DNAAF11: variants seen among roughly 807,000 people sequenced by gnomAD.
DNAAF11 encodes the protein dynein axonemal assembly factor 11, also known as leucine rich repeat containing 6.
DNAAF11 carries 45 observed loss-of-function variants against 60.8 expected under a neutral mutation model. The ratio of observed to expected loss-of-function variants is 0.74; its 90% CI spans 0.58 to 0.95. The LOEUF is 0.95. Ranked by LOEUF, DNAAF11 falls within the 40% of genes least tolerant of loss-of-function variation. DNAAF11 has a pLI of 0.00. For synonymous variants in DNAAF11, 191 were observed against 183.5 expected (o/e 1.04, Z -0.33); for missense variants, 546 against 546.2 (o/e 1.00, Z 0.00).
intron 3 of DNAAF11, among the ~76,000 whole-genome samples, chr8:132,646,580 T>C (rs1481840250): frequency 2.6e-5 from 4 of 152,182 alleles, no homozygotes; most frequent in Non-Finnish European, 5.9e-5. Flanking sequence ...GTGTGCTGTA[T>C]TCAGGAGACC....
At chr8:132,696,636 T>C in the DNAAF11 span, among the ~76,000 whole-genome samples, 13 of 152,166 alleles carry the variant, frequency 8.5e-5, no homozygotes, top group Admixed American at 2.0e-4. Flanking sequence ...GAAAACATTA[T>C]GCCACATGAA....
At chr8:132,598,218 GT>G (rs544103271) in intron 10 of DNAAF11, among the ~76,000 whole-genome samples, 2 of 152,212 alleles carry the variant, frequency 1.3e-5, no homozygotes, top group African/African-American at 4.8e-5. Context: ...TTATTAACTG[GT>G]ATAAGGATAA....
chr8:132,646,138 T>C (rs559480523), intron 3 of DNAAF11, among the ~76,000 whole-genome samples: 11 of 152,340 alleles, frequency 7.2e-5, no homozygotes, highest in African/African-American at 2.6e-4. Flanking sequence ...AGCAGATCTC[T>C]CAGTAGAAAC....
At position 132,619,892 on chromosome 8, in the gene DNAAF11, C is replaced by T. The variant is rs141753107; in HGVS notation, c.914+2719G>A. ...GACTGATTTTGGATGGGAAGTTCACCGTCAGCAGCAGGAGAGAGGGGAGTA... is the reference window on the plus strand; with the variant it reads ...GACTGATTTTGGATGGGAAGTTCACTGTCAGCAGCAGGAGAGAGGGGAGTA... On this transcript the variant is annotated intron_variant, in intron 7 of 11. Transcript: ENST00000620350. 3.4e-3 allele frequency among the ~76,000 whole-genome samples: 519 copies of T among 152,146 alleles called. 3 individuals are homozygous for T. Among genetic ancestry groups the T allele is most frequent in the African/African-American group, 0.012 (499 of 41,494 alleles).
At chr8:132,699,959 C>T in the DNAAF11 span, among the ~76,000 whole-genome samples, 1 of 152,108 alleles carries the variant, frequency 6.6e-6, no homozygotes, top group African/African-American at 2.4e-5. Flanking sequence ...AGAGTGACTG[C>T]TTAATGAGCA....
intron 10 of DNAAF11, 36 bp from the exon 11 acceptor site, chr8:132,583,815 T>TCAAGGAG: frequency 1.5e-6 from 2 of 1,371,980 alleles, no homozygotes; most frequent in Non-Finnish European, 2.1e-6. Flanking sequence ...AAGTGGTGCA[T>TCAAGGAG]TACTCCTTGA....
At chr8:132,640,107 T>C (rs1821711496) in intron 3 of DNAAF11, among the ~76,000 whole-genome samples, 1 of 152,190 alleles carries the variant, frequency 6.6e-6, no homozygotes, top group Admixed American at 6.5e-5. Context: ...ATAGACCTTC[T>C]TCAACCCACT....
chr8:132,636,327 G>A (rs1821293204), intron 4 of DNAAF11, among the ~76,000 whole-genome samples: 1 of 152,086 alleles, frequency 6.6e-6, no homozygotes, highest in Admixed American at 6.5e-5. Context: ...GAGAAGCAGT[G>A]AATGTGGGTA....
chr8:132,687,983 T>A, the DNAAF11 span, among the ~76,000 whole-genome samples: 2 of 152,184 alleles, frequency 1.3e-5, no homozygotes, highest in Non-Finnish European at 2.9e-5. Context: ...AATGAAGCAA[T>A]ATAAAAATTT....
At position 132,582,022 on chromosome 8, in the gene DNAAF11, C is replaced by T. The variant is rs74435754; in HGVS notation, c.1226+1672G>A. Among the ~76,000 whole-genome samples the T allele has an allele frequency of 1.0e-2, 1,520 of 152,242 alleles. 31 individuals are homozygous for T. The highest frequency in any genetic ancestry group is 0.034 in the African/African-American group (1,423 of 41,540). On this transcript the variant is annotated intron_variant, in intron 11 of 11. Coordinates refer to ENST00000620350, the MANE Select transcript of DNAAF11 (RefSeq NM_012472.6). ...TTTCTCCTCAGCATGAGAAACAAAC[C>T]ACTCTGCCAAGAGATGGGCAAGGGG...
chr8:132,690,599 A>G, the DNAAF11 span, among the ~76,000 whole-genome samples: 1 of 152,048 alleles, frequency 6.6e-6, no homozygotes, highest in South Asian at 2.1e-4. Flanking sequence ...TATGAAATAA[A>G]CTCCACATTT....
chr8:132,702,562 CACT>C, the DNAAF11 span, among the ~76,000 whole-genome samples: 68,818 of 151,684 alleles, frequency 0.45, 18,813 homozygotes, highest in African/African-American at 0.78. Flanking sequence ...CTACTGTCAC[CACT>C]ACTATTATTA....
the DNAAF11 span, among the ~76,000 whole-genome samples, chr8:132,689,895 T>G: frequency 6.6e-6 from 1 of 152,164 alleles, no homozygotes; most frequent in African/African-American, 2.4e-5. Flanking sequence ...TTTTTCCTTT[T>G]TGTAGAGATG....
At chr8:132,647,334 A>G (rs1822498420) in intron 3 of DNAAF11, among the ~76,000 whole-genome samples, 1 of 152,216 alleles carries the variant, frequency 6.6e-6, no homozygotes, top group Non-Finnish European at 1.5e-5. Context: ...ACAAAGACAC[A>G]ACCTAACAGA....
In DNAAF11 at chr8:132,623,640, TG is replaced by T. The variant is rs1433832401; in HGVS notation, c.837-953del. Among the ~76,000 whole-genome samples the T allele has an allele frequency of 4.6e-5, 7 of 152,294 alleles. No individual in the cohort carries two copies. In the East Asian group the frequency reaches 1.3e-3, roughly 29 times the overall value. ...AATATCTAGATCAGATAAACAAATC[TG>T]TTTAGATGATGGAACTGTTGGCAAT... On this transcript the variant is annotated intron_variant, in intron 6 of 11. Coordinates refer to ENST00000620350, the MANE Select transcript of DNAAF11 (RefSeq NM_012472.6).
chr8:132,607,379 G>A (rs551402327), intron 10 of DNAAF11, among the ~76,000 whole-genome samples: 34 of 152,310 alleles, frequency 2.2e-4, no homozygotes, highest in African/African-American at 7.9e-4. Context: ...CCAGTGGTGA[G>A]TGTTGGGAAG....
At chr8:132,611,396 T>G in intron 8 of DNAAF11, 33 bp from the exon 9 acceptor site, 1 of 1,275,662 alleles carries the variant, frequency 7.8e-7, no homozygotes, top group Non-Finnish European at 1.1e-6. Context: ...TCTTATAATT[T>G]TAAAAAATAT....
chr8:132,653,938 T>A (rs115312375), intron 3 of DNAAF11, among the ~76,000 whole-genome samples: 330 of 152,196 alleles, frequency 2.2e-3, no homozygotes, highest in African/African-American at 7.6e-3. Flanking sequence ...TGTAAATGGG[T>A]TAATCTCCCA....
chr8:132,695,058 G>T, the DNAAF11 span, among the ~76,000 whole-genome samples: 1 of 152,188 alleles, frequency 6.6e-6, no homozygotes, highest in African/African-American at 2.4e-5. Flanking sequence ...ACTAAGAACT[G>T]ACCATTGGAT....
Sources: allele counts gnomAD v4.1 joint callset (sites outside exome capture counted in the v4.1 genomes callset), GRCh38; gene constraint gnomAD v4.1.1; transcripts MANE v1.5; gene names NCBI Gene and HGNC (gene_info 2026-07-23, HGNC 2026-07-21).